PAX5: variants seen among roughly 807,000 people sequenced by gnomAD.
PAX5 encodes paired box protein Pax-5.
A neutral mutation model predicts 43.7 loss-of-function variants in PAX5; 9 were observed. The ratio of observed to expected loss-of-function variants is 0.21; its 90% CI spans 0.12 to 0.36. PAX5 has a LOEUF of 0.36. PAX5 is among the 10% of genes least tolerant of loss of function. The probability of loss-of-function intolerance (pLI) is 1.00; values close to 1 mark genes in which losing one functional copy is unlikely to be tolerated. For synonymous variants in PAX5, 228 were observed against 214.3 expected, an observed-to-expected ratio of 1.06 and a Z score of -0.56; for missense variants, 383 against 532.7, an observed-to-expected ratio of 0.72 and a Z score of 2.77.
chr9:37,017,625 G>C (rs1839492662), intron 2 of PAX5, among the ~76,000 whole-genome samples: 1 of 152,228 alleles, frequency 6.6e-6, no homozygotes, highest in East Asian at 1.9e-4. Context: ...TATGTTAGTT[G>C]AATGGGACTG....
At chr9:36,858,524 CTT>C (rs2131635692) in intron 8 of PAX5, among the ~76,000 whole-genome samples, 1 of 152,276 alleles carries the variant, frequency 6.6e-6, no homozygotes, top group East Asian at 1.9e-4. Flanking sequence ...CCAAATGACT[CTT>C]TGCTTGTTAA....
intron 8 of PAX5, among the ~76,000 whole-genome samples, chr9:36,868,533 A>G (rs1267079402): frequency 6.6e-6 from 1 of 152,140 alleles, no homozygotes; most frequent in Non-Finnish European, 1.5e-5. Flanking sequence ...TGTCAAACAC[A>G]GACAGGTGAG....
chr9:36,972,597 G>A (rs1327065305), intron 5 of PAX5, among the ~76,000 whole-genome samples: 1 of 152,214 alleles, frequency 6.6e-6, no homozygotes, highest in Non-Finnish European at 1.5e-5. Flanking sequence ...CAACCAAGGG[G>A]ATCCCATCCT....
intron 8 of PAX5, chr9:36,860,763 G>T (rs1024436697): frequency 2.0e-5 from 3 of 152,180 alleles, no homozygotes; most frequent in Admixed American, 6.5e-5. Context: ...CCACTGAGAA[G>T]GGCTGGCTTC....
intron 1 of PAX5, among the ~76,000 whole-genome samples, chr9:37,031,239 C>T (rs554422928): frequency 6.6e-6 from 1 of 152,304 alleles, no homozygotes; most frequent in East Asian, 1.9e-4. Context: ...AGGCCAGGGG[C>T]GCTGGGACTA....
At chr9:36,973,145 G>A (rs866483603) in intron 5 of PAX5, among the ~76,000 whole-genome samples, 68 of 109,140 alleles carry the variant, frequency 6.2e-4, no homozygotes, top group Middle Eastern at 0.01. Flanking sequence ...AAAAGGAAAG[G>A]AAAGGAAAGG....
intron 6 of PAX5, among the ~76,000 whole-genome samples, chr9:36,926,565 C>T (rs377564072): frequency 2.6e-5 from 4 of 152,190 alleles, no homozygotes; most frequent in East Asian, 3.8e-4. Context: ...GAGAATGAAT[C>T]GGGCATGAAT....
chr9:36,943,400 G>A (rs1832221754), intron 6 of PAX5, among the ~76,000 whole-genome samples: 1 of 152,126 alleles, frequency 6.6e-6, no homozygotes, highest in African/African-American at 2.4e-5. Flanking sequence ...TCTAGGACAC[G>A]AGACTGGAGT....
chr9:36,978,613 C>T (rs11792886), intron 5 of PAX5, among the ~76,000 whole-genome samples: 3,073 of 152,130 alleles, frequency 0.02, 58 homozygotes, highest in East Asian at 0.089. Context: ...TTCCCAAGGA[C>T]GATATAACTA....
chr9:36,854,850 C>T (rs753328736), intron 8 of PAX5, among the ~76,000 whole-genome samples: 4 of 152,130 alleles, frequency 2.6e-5, no homozygotes, highest in Non-Finnish European at 5.9e-5. Flanking sequence ...AGAGGGTGAG[C>T]ATGAGGGGCA....
intron 7 of PAX5, among the ~76,000 whole-genome samples, chr9:36,913,777 C>G (rs1829505712): frequency 6.6e-6 from 1 of 152,196 alleles, no homozygotes; most frequent in Non-Finnish European, 1.5e-5. Context: ...CCATCTGTTC[C>G]CCAGACCCCA....
intron 6 of PAX5, among the ~76,000 whole-genome samples, chr9:36,944,789 C>A (rs757591185): frequency 6.2e-4 from 94 of 152,284 alleles, no homozygotes; most frequent in Non-Finnish European, 2.8e-4. Flanking sequence ...GGGGCAGTTA[C>A]CCAATTGAAT....
At position 37,034,117 on chromosome 9, in the gene PAX5, T is replaced by G; in HGVS notation, c.-86A>C. ...TTTTTTCTTTTTTTTTTTTTTTTTT[T>G]TTTTTTTTTGGTGCCAGGGGCCGCT... On this transcript the variant is annotated 5_prime_UTR_variant, in exon 1 of 10. Transcript: ENST00000358127. 1.2e-6 allele frequency: 1 copy of G among 847,966 alleles called. No individual in the cohort carries two copies. Among genetic ancestry groups the G allele is most frequent in the Non-Finnish European group, 1.8e-6 (1 of 550,820 alleles). 52.5% of individuals were successfully genotyped at this position (847,966 alleles called of 1,614,324 possible).
At chr9:37,016,032 T>G (rs73646311) in intron 2 of PAX5, among the ~76,000 whole-genome samples, 4,254 of 152,320 alleles carry the variant, frequency 0.028, 190 homozygotes, top group African/African-American at 0.093. Flanking sequence ...TGCTTTGAAT[T>G]AATGAATGAG....
At chr9:36,939,809 GAGAA>G (rs1474416900) in intron 6 of PAX5, among the ~76,000 whole-genome samples, 6 of 151,880 alleles carry the variant, frequency 4.0e-5, no homozygotes, top group Non-Finnish European at 7.4e-5. Context: ...GAAAAAGCAA[GAGAA>G]AGAGAGAGAG....
Position 36,882,042 on chromosome 9 carries a change from C to T in PAX5, c.974G>A (p.Gly325Asp), listed in dbSNP as rs2131762995. ...YPPHVPPAGQ[G>D]SYSAPTLTGM... ...TGTCAGCGTCGGTGCTGAGTAGCTGCCCTGTCCAGCGGGGGGGACGTGTGG... is the reference window on the plus strand; with the variant it reads ...TGTCAGCGTCGGTGCTGAGTAGCTGTCCTGTCCAGCGGGGGGGACGTGTGG... Residue 325 changes from glycine (G) to aspartate (D), a missense_variant, in exon 8 of 10, where the codon GGC (glycine) becomes GAC (aspartate). Around this residue, in one of 5 missense-constraint regions of PAX5, gnomAD observed 291 missense variants for 342.5 expected, o/e 0.85. Coordinates refer to ENST00000358127, the MANE Select transcript of PAX5 (RefSeq NM_016734.3). This position sits in a 1 kb window ranked among gnomAD's most constrained non-coding sequence, Gnocchi z 4.4. The T allele has an allele frequency of 6.2e-7, 1 of 1,613,180 alleles. No homozygotes were observed. The highest frequency in any genetic ancestry group is 1.1e-5 in the South Asian group (1 of 90,962).
At chr9:36,942,591 G>A (rs1028797323) in intron 6 of PAX5, among the ~76,000 whole-genome samples, 2 of 152,220 alleles carry the variant, frequency 1.3e-5, no homozygotes, top group South Asian at 2.1e-4. Context: ...TGTAAGAGTC[G>A]TGCTCAGCTG....
intron 6 of PAX5, among the ~76,000 whole-genome samples, chr9:36,937,778 C>T (rs75187358): frequency 0.034 from 5,234 of 152,274 alleles, 286 homozygotes; most frequent in African/African-American, 0.12. Context: ...TAACTTTATC[C>T]TTTATTCTCC....
At position 36,882,587 on chromosome 9, in the gene PAX5, T is replaced by C. The variant is rs1826542053; in HGVS notation, c.911-482A>G. 6.6e-6 allele frequency among the ~76,000 whole-genome samples: 1 copy of C among 152,132 alleles called. No individual in the cohort carries two copies. The highest frequency in any genetic ancestry group is 1.5e-5 in the Non-Finnish European group (1 of 68,030). On this transcript the variant is annotated intron_variant, in intron 7 of 9. Coordinates refer to ENST00000358127, the MANE Select transcript of PAX5 (RefSeq NM_016734.3). This position sits in a 1 kb window ranked among gnomAD's most constrained non-coding sequence, Gnocchi z 4.4. ...CAAAGACCAGCTCAAATGCCTCCCTTCTCCTCTCCTCAACAGCCCCCCACA... is the reference window on the plus strand; with the variant it reads ...CAAAGACCAGCTCAAATGCCTCCCTCCTCCTCTCCTCAACAGCCCCCCACA...
Sources: gnomAD v4.1 joint callset for allele counts (sites outside exome capture counted in the v4.1 genomes callset) on GRCh38, gnomAD v4.1.1 for gene constraint, gnomAD v4.1.1 regional missense constraint, Gnocchi (gnomAD v3.1) non-coding constraint, MANE v1.5 for transcripts, NCBI Gene and HGNC (gene_info 2026-07-23, HGNC 2026-07-21) for gene names.